The following ASIC2 variants were observed in gnomAD, a reference collection of about 807,000 sequenced individuals.
The protein encoded by ASIC2 is acid sensing ion channel subunit 2, also known as acid-sensing ion channel 2.
Under a neutral mutation model 57.3 loss-of-function variants are expected in ASIC2, and 25 were observed. The ratio of observed to expected loss-of-function variants is 0.44; its 90% CI spans 0.32 to 0.61. ASIC2 has a LOEUF of 0.61. Ranked by LOEUF, ASIC2 falls within the 20% of genes least tolerant of loss-of-function variation. The pLI is 0.06. For synonymous variants in ASIC2, 319 were observed against 307.5 expected, an observed-to-expected ratio of 1.04 and a Z score of -0.39; for missense variants, 641 against 738.1, an observed-to-expected ratio of 0.87 and a Z score of 1.52.
intron 1 of ASIC2, among the ~76,000 whole-genome samples, chr17:33,239,059 C>T (rs894284315): frequency 4.0e-5 from 6 of 151,728 alleles, no homozygotes; most frequent in East Asian, 1.9e-4. Flanking sequence ...TTTGGGAGGC[C>T]GAGGCAGGCG....
chr17:33,426,491 C>A (rs987542219), intron 1 of ASIC2, among the ~76,000 whole-genome samples: 2 of 152,200 alleles, frequency 1.3e-5, no homozygotes, highest in Non-Finnish European at 2.9e-5. Flanking sequence ...GACCTTAAAG[C>A]CAGCTTTAGA....
intron 1 of ASIC2, among the ~76,000 whole-genome samples, chr17:34,031,176 C>A (rs1399605240): frequency 6.6e-6 from 1 of 152,312 alleles, no homozygotes; most frequent in African/African-American, 2.4e-5. Context: ...TCCAGAGGAA[C>A]GATCAGGCAG....
intron 1 of ASIC2, among the ~76,000 whole-genome samples, chr17:34,063,950 C>G (rs1327365240): frequency 6.6e-6 from 1 of 152,062 alleles, no homozygotes; most frequent in Admixed American, 6.6e-5. Flanking sequence ...ACCATACTGC[C>G]AAAAGCAATC....
intron 1 of ASIC2, among the ~76,000 whole-genome samples, chr17:33,830,116 C>T (rs1357559443): frequency 1.3e-5 from 2 of 152,112 alleles, no homozygotes; most frequent in African/African-American, 4.8e-5. Context: ...TATTAGAAAG[C>T]TCTTCCTTAT....
intron 1 of ASIC2, among the ~76,000 whole-genome samples, chr17:33,535,150 G>C (rs1341512678): frequency 6.6e-6 from 1 of 152,194 alleles, no homozygotes; most frequent in Non-Finnish European, 1.5e-5. Context: ...CCCTTGCAAA[G>C]ACTGAATCTG....
chr17:33,783,947 C>T (rs1004325656), intron 1 of ASIC2, among the ~76,000 whole-genome samples: 1 of 152,190 alleles, frequency 6.6e-6, no homozygotes, highest in African/African-American at 2.4e-5. Flanking sequence ...TCCAGAGATG[C>T]CCTTGGCAGG....
chr17:33,560,414 T>G (rs962660219), intron 1 of ASIC2, among the ~76,000 whole-genome samples: 1 of 152,236 alleles, frequency 6.6e-6, no homozygotes, highest in Non-Finnish European at 1.5e-5. Context: ...AAAGGACTTA[T>G]GAGTTGATTA....
chr17:33,440,112 CCCCTCA>C (rs1168231232), intron 1 of ASIC2, among the ~76,000 whole-genome samples: 1 of 152,202 alleles, frequency 6.6e-6, no homozygotes, highest in African/African-American at 2.4e-5. Flanking sequence ...ACATTTCCGT[CCCCTCA>C]AAATGCTCTC....
chr17:33,660,073 ACT>A (rs1907209619), intron 1 of ASIC2, among the ~76,000 whole-genome samples: 1 of 151,620 alleles, frequency 6.6e-6, no homozygotes, highest in Non-Finnish European at 1.5e-5. Context: ...ACAGAGTGAG[ACT>A]CTGTCGCAAA....
At chr17:33,588,919 T>G (rs1365579046) in intron 1 of ASIC2, among the ~76,000 whole-genome samples, 1 of 152,226 alleles carries the variant, frequency 6.6e-6, no homozygotes, top group African/African-American at 2.4e-5. Context: ...GTCAATTCAC[T>G]TGCTGTGTGG....
intron 1 of ASIC2, among the ~76,000 whole-genome samples, chr17:33,332,416 A>G (rs1298499136): frequency 6.6e-6 from 1 of 152,224 alleles, no homozygotes; most frequent in Admixed American, 6.5e-5. Flanking sequence ...AGGACCCTTT[A>G]CATTTTTATT....
At chr17:33,267,202 A>G (rs991437513) in intron 1 of ASIC2, among the ~76,000 whole-genome samples, 1 of 151,956 alleles carries the variant, frequency 6.6e-6, no homozygotes, top group Non-Finnish European at 1.5e-5. Context: ...ACATAAACAC[A>G]CATGCATGCA....
intron 1 of ASIC2, among the ~76,000 whole-genome samples, chr17:33,530,527 C>T (rs1461025264): frequency 6.6e-6 from 1 of 152,246 alleles, no homozygotes; most frequent in African/African-American, 2.4e-5. Flanking sequence ...TTAATGAAAC[C>T]ACTTAATTGG....
rs577277846 is a variant in ASIC2, at chr17:34,036,198, AATG to A, written c.555+119777_555+119779del. On this transcript the variant is annotated intron_variant, in intron 1 of 9. Coordinates refer to the ASIC2 transcript ENST00000359872. ...CATGGAATACTATGCAGCCATAAAA[AATG>A]ATGAGTTCATGTCCTTTGTAGGGAC... Among the ~76,000 whole-genome samples, 674 of 152,256 alleles carry A rather than the reference AATG, an allele frequency of 4.4e-3. 4 individuals carry two copies. The highest frequency in any genetic ancestry group is 0.015 in the African/African-American group (633 of 41,542).
intron 1 of ASIC2, among the ~76,000 whole-genome samples, chr17:34,132,083 G>A (rs1019285874): frequency 5.3e-5 from 8 of 152,172 alleles, no homozygotes; most frequent in African/African-American, 9.7e-5. Flanking sequence ...CTCTGCAGGG[G>A]ACACAAGAAT....
At chr17:33,318,529 A>G (rs567768101) in intron 1 of ASIC2, among the ~76,000 whole-genome samples, 75 of 152,340 alleles carry the variant, frequency 4.9e-4, no homozygotes, top group Middle Eastern at 6.8e-3. Context: ...ACAGCCAAAT[A>G]GTTTTCCAGG....
At chr17:34,002,891 T>A (rs965442359) in intron 1 of ASIC2, 1 of 152,236 alleles carries the variant, frequency 6.6e-6, no homozygotes, top group Non-Finnish European at 1.5e-5. Flanking sequence ...CTATCATTAA[T>A]CTCACTCCTG....
At chr17:33,419,211 G>A (rs2141970477) in intron 1 of ASIC2, among the ~76,000 whole-genome samples, 1 of 152,370 alleles carries the variant, frequency 6.6e-6, no homozygotes. Context: ...CCTTGCCCCA[G>A]AGGGAGCGGC....
intron 1 of ASIC2, among the ~76,000 whole-genome samples, chr17:34,151,117 A>AAAT (rs1555535976): frequency 1.3e-5 from 2 of 148,254 alleles, no homozygotes; most frequent in African/African-American, 4.9e-5. Flanking sequence ...AAAAAAAAAA[A>AAAT]AAAAAAAATA....
Sources: allele counts gnomAD v4.1 joint callset (sites outside exome capture counted in the v4.1 genomes callset), GRCh38; gene constraint gnomAD v4.1.1; transcripts MANE v1.5; gene names NCBI Gene and HGNC (gene_info 2026-07-23, HGNC 2026-07-21).